Variants in CAAP1 observed in about 807,000 individuals in gnomAD.
CAAP1 encodes caspase activity and apoptosis inhibitor 1.
CAAP1 carries 20 observed loss-of-function variants against 34.0 expected under a neutral mutation model. The observed-to-expected ratio is 0.59, with a 90% CI of 0.41 to 0.86. The LOEUF (loss-of-function observed/expected upper bound fraction) is 0.86. CAAP1 is among the 40% of genes least tolerant of loss of function. The pLI is 0.00. For missense variants in CAAP1, 538 were observed against 450.5 expected, an observed-to-expected ratio of 1.19 and a Z score of -1.76; for synonymous variants, 213 against 166.7, an observed-to-expected ratio of 1.28 and a Z score of -2.14.
At chr9:26,851,706 AG>A (rs1272265232) in intron 5 of CAAP1, among the ~76,000 whole-genome samples, 1 of 152,226 alleles carries the variant, frequency 6.6e-6, no homozygotes, top group East Asian at 1.9e-4. Flanking sequence ...GTAGAATAAA[AG>A]TTTGATATCA....
chr9:26,841,889 TTAAA>T lies in CAAP1; in HGVS notation c.*408_*411del, dbSNP rs1822487878. 1 of 152,892 alleles carries T rather than the reference TTAAA, an allele frequency of 6.5e-6. No homozygotes were observed. Among genetic ancestry groups the T allele is most frequent in the South Asian group, 2.1e-4 (1 of 4,834 alleles). 9.5% of individuals were successfully genotyped at this position (152,892 alleles called of 1,614,324 possible). A position where few individuals can be genotyped will look rare whatever the true frequency, so the allele number is the denominator to read the frequency against. On this transcript the variant is annotated 3_prime_UTR_variant, in exon 6 of 6. Transcript: ENST00000333916. Reference sequence around the variant, plus strand: ...TATAAGCAAAACTAAATTTCTCAAATTAAATAATTTAATATTGTATTGTAAAATA... The same window carrying T: ...TATAAGCAAAACTAAATTTCTCAAATTAATTTAATATTGTATTGTAAAATA...
chr9:26,848,260 AC>A (rs969648713), intron 5 of CAAP1, among the ~76,000 whole-genome samples: 1 of 152,072 alleles, frequency 6.6e-6, no homozygotes, highest in Non-Finnish European at 1.5e-5. Flanking sequence ...CATGCCTGTA[AC>A]CCAGCACTTT....
At chr9:26,858,206 C>T (rs1424545547) in intron 5 of CAAP1, among the ~76,000 whole-genome samples, 4 of 152,160 alleles carry the variant, frequency 2.6e-5, no homozygotes, top group Non-Finnish European at 5.9e-5. Context: ...ACAAAAATAG[C>T]TAGTTATGCA....
chr9:26,877,472 C>T (rs1823469880), intron 4 of CAAP1, among the ~76,000 whole-genome samples: 1 of 152,194 alleles, frequency 6.6e-6, no homozygotes. Flanking sequence ...GTATTTTCCT[C>T]AGATGAGTAC....
intron 5 of CAAP1, among the ~76,000 whole-genome samples, chr9:26,853,661 C>T (rs1275309719): frequency 6.6e-6 from 1 of 152,044 alleles, no homozygotes; most frequent in Non-Finnish European, 1.5e-5. Context: ...TGGCTGCTGG[C>T]AATAATTCAC....
At chr9:26,872,487 A>G (rs570735486) in intron 4 of CAAP1, among the ~76,000 whole-genome samples, 3 of 151,710 alleles carry the variant, frequency 2.0e-5, no homozygotes, top group East Asian at 3.9e-4. Context: ...AAAAGCACTC[A>G]TATTTCAGAT....
At chr9:26,884,929 T>A (rs748810162) in intron 3 of CAAP1, 44 bp from the exon 4 acceptor site, 2 of 1,335,280 alleles carry the variant, frequency 1.5e-6, no homozygotes, top group Non-Finnish European at 2.1e-6. Flanking sequence ...TATAAAAACA[T>A]TAAAATGATG....
chr9:26,842,631 A>C lies in CAAP1; in HGVS notation c.756T>G (p.Ser252Arg). ...CATCTGCATTTATACTGAGTACATC[A>C]CTATCTTCCCCTTTTCCTGTAACCA... ...LELKQGKGED[S>R]DVLSINADAY... Residue 252 changes from serine to arginine, a missense_variant, in exon 6 of 6, where the codon AGT becomes AGG. This residue lies in a region of CAAP1 where 514 missense variants were observed against 408.4 expected (regional missense o/e 1.26). Transcript: ENST00000333916. 1 of 1,604,946 alleles carries C rather than the reference A, an allele frequency of 6.2e-7. No homozygotes were observed.
rs912549142 is a variant in CAAP1, at chr9:26,841,229, T to C, written c.*1072A>G. The C allele has an allele frequency of 9.8e-5, 15 of 152,372 alleles. No individual in the cohort carries two copies. The highest frequency in any genetic ancestry group is 4.4e-5 in the Non-Finnish European group (3 of 67,972). 9.4% of individuals were successfully genotyped at this position (152,372 alleles called of 1,614,324 possible). On this transcript the variant is annotated 3_prime_UTR_variant, in exon 6 of 6. Transcript: ENST00000333916. ...AATATACTGTATTTGTTATCAAATA[T>C]AGAAACAACAGTTCCAGATTTATGT...
chr9:26,842,321 C>T lies in CAAP1; in HGVS notation c.1066G>A (p.Asp356Asn). ...AATACCTAGGCTGGCTTTTTTATATCACCAGCTTTCATTAGGGCTTTAATC... is the reference window on the plus strand; with the variant it reads ...AATACCTAGGCTGGCTTTTTTATATTACCAGCTTTCATTAGGGCTTTAATC... ...RAIKALMKAG[D>N]IKKPA Residue 356 changes from aspartate (D) to asparagine (N), a missense_variant, in exon 6 of 6, where the codon GAT (aspartate) becomes AAT (asparagine). Around this residue, in one of 3 missense-constraint regions of CAAP1, gnomAD observed 18 missense variants for 22.3 expected, o/e 0.81. Transcript: ENST00000333916. The T allele has an allele frequency of 6.3e-7, 1 of 1,576,830 alleles. No individual in the cohort carries two copies. The highest frequency in any genetic ancestry group is 8.6e-7 in the Non-Finnish European group (1 of 1,163,358).
At chr9:26,876,545 C>T (rs1291450159) in intron 4 of CAAP1, among the ~76,000 whole-genome samples, 1 of 146,064 alleles carries the variant, frequency 6.8e-6, no homozygotes, top group Non-Finnish European at 1.5e-5. Context: ...TTGGTAAGTG[C>T]CCTGTACAGG....
chr9:26,866,241 T>C (rs1346469417), intron 4 of CAAP1, among the ~76,000 whole-genome samples: 2 of 152,132 alleles, frequency 1.3e-5, no homozygotes, highest in Non-Finnish European at 2.9e-5. Flanking sequence ...GTATAGTAAA[T>C]AGGCATAAGT....
At chr9:26,866,606 T>C (rs556286711) in intron 4 of CAAP1, among the ~76,000 whole-genome samples, 32 of 152,294 alleles carry the variant, frequency 2.1e-4, no homozygotes, top group South Asian at 2.1e-3. Flanking sequence ...AATAAGAGCA[T>C]ACACAAGAAA....
chr9:26,849,439 T>C (rs1461756490), intron 5 of CAAP1, among the ~76,000 whole-genome samples: 1 of 152,226 alleles, frequency 6.6e-6, no homozygotes, highest in Non-Finnish European at 1.5e-5. Flanking sequence ...TGTGTATTGT[T>C]TAAAGTTAAC....
At chr9:26,854,331 C>T (rs1822819554) in intron 5 of CAAP1, among the ~76,000 whole-genome samples, 1 of 152,082 alleles carries the variant, frequency 6.6e-6, no homozygotes, top group African/African-American at 2.4e-5. Flanking sequence ...AGTAACTTGC[C>T]CTAGGTTCAC....
At chr9:26,851,923 C>T (rs919796685) in intron 5 of CAAP1, among the ~76,000 whole-genome samples, 11 of 152,128 alleles carry the variant, frequency 7.2e-5, no homozygotes, top group Non-Finnish European at 1.5e-4. Context: ...TGCTCAAACT[C>T]ATTATCTACT....
In CAAP1 at chr9:26,887,069, G is replaced by A. The variant is rs183789637; in HGVS notation, c.504+244C>T. Among the ~76,000 whole-genome samples, 103 of 152,154 alleles carry A rather than the reference G, an allele frequency of 6.8e-4. 1 individual carries two copies. Among genetic ancestry groups the A allele is most frequent in the African/African-American group, 2.3e-3 (95 of 41,526 alleles). The stretch of plus-strand genomic sequence containing the variant: ...TCTCTTAAAAATCCAAAAATTAGCC[G>A]GGCATGGTGGTTCATGCCTGTAGTC... On this transcript the variant is annotated intron_variant, in intron 2 of 5. Transcript: ENST00000333916.
At position 26,892,613 on chromosome 9, in the gene CAAP1, C is replaced by T. The variant is rs1294175109; in HGVS notation, c.103G>A (p.Gly35Ser). Residue 35 changes from glycine (G) to serine (S), a missense_variant, in exon 1 of 6, where the codon GGC becomes AGC. Around this residue, in one of 3 missense-constraint regions of CAAP1, gnomAD observed 514 missense variants for 408.4 expected, o/e 1.26. Transcript: ENST00000333916. ...APDIVPALAS[G>S]SSGSTSGCGS... Reference sequence around the variant, plus strand: ...CAGCCGCTAGTGCTTCCACTGCTGCCGCTGGCCAACGCGGGTACGATGTCC... The same window carrying T: ...CAGCCGCTAGTGCTTCCACTGCTGCTGCTGGCCAACGCGGGTACGATGTCC... 4.4e-6 allele frequency: 7 copies of T among 1,609,186 alleles called. No individual in the cohort carries two copies. The South Asian group carries it at 6.6e-5, about 15-fold the overall frequency.
chr9:26,858,879 T>G (rs1390623889), intron 5 of CAAP1, among the ~76,000 whole-genome samples: 5 of 147,972 alleles, frequency 3.4e-5, no homozygotes, highest in African/African-American at 1.3e-4. Flanking sequence ...GTGCCTGTAG[T>G]CCCAGCTACT....
Sources: allele counts gnomAD v4.1 joint callset (sites outside exome capture counted in the v4.1 genomes callset), GRCh38; gene constraint gnomAD v4.1.1; regional missense constraint gnomAD v4.1.1; transcripts MANE v1.5; gene names NCBI Gene and HGNC (gene_info 2026-07-23, HGNC 2026-07-21).